STAG3: variants seen among roughly 807,000 people sequenced by gnomAD.
The protein encoded by STAG3 is STAG3 cohesin complex component, also known as cohesin subunit SA-3.
STAG3 carries 101 observed loss-of-function variants against 160.7 expected under a neutral mutation model. The observed-to-expected ratio is 0.63, with a 90% CI of 0.54 to 0.74. STAG3 has a LOEUF of 0.74. Ranked by LOEUF, STAG3 falls within the 30% of genes least tolerant of loss-of-function variation. The pLI is 0.00. For missense variants in STAG3, 1,188 were observed against 1,517.4 expected (o/e 0.78, Z 3.61); for synonymous variants, 519 against 585.0 (o/e 0.89, Z 1.63).
At chr7:100,205,423 T>A in intron 29 of STAG3, 39 bp downstream of exon 29, 1 of 1,554,452 alleles carries the variant, frequency 6.4e-7, no homozygotes, top group Non-Finnish European at 8.7e-7. Context: ...GCCCAGCAGG[T>A]GGTCGTTGGC....
chr7:100,201,594 T>C (rs1305298825), intron 21 of STAG3, 192 bp from the exon 22 acceptor site: 7 of 638,108 alleles, frequency 1.1e-5, no homozygotes, highest in Non-Finnish European at 1.9e-5. Context: ...GTAGAGTAAA[T>C]TAGGGAGCGG....
At position 100,208,000 on chromosome 7, in the gene STAG3, C is replaced by T. The variant is rs966812752; in HGVS notation, c.3238+2616C>T. Among the ~76,000 whole-genome samples the T allele has an allele frequency of 2.6e-5, 4 of 152,030 alleles. No homozygotes were observed. The highest frequency in any genetic ancestry group is 5.9e-5 in the Non-Finnish European group (4 of 68,022). ...GCATGATGGTGGGCGCCTGTAGTCC[C>T]AGCCACTCGGGAGGCTGAGGCAGGA... is the stretch of plus-strand genomic sequence containing the variant. On this transcript the variant is annotated intron_variant, in intron 29 of 33. Coordinates refer to ENST00000615138, the MANE Select transcript of STAG3 (RefSeq NM_001282717.2). The surrounding 1 kb of genome is among the most constrained non-coding windows in gnomAD (Gnocchi z 4.0).
Position 100,192,042 on chromosome 7 carries a change from A to G in STAG3, c.867+2446A>G, listed in dbSNP as rs73159753. On this transcript the variant is annotated intron_variant, in intron 8 of 33. Coordinates refer to ENST00000615138, the MANE Select transcript of STAG3 (RefSeq NM_001282717.2). ...TGTTCAAGGTCATGAAATTGCAGCA[A>G]TTCAGCCACATCTTCAGTCTCTACT... 5.7e-3 allele frequency among the ~76,000 whole-genome samples: 874 copies of G among 152,330 alleles called. 3 individuals are homozygous for G. The highest frequency in any genetic ancestry group is 8.5e-3 in the Non-Finnish European group (575 of 68,034).
Position 100,189,069 on chromosome 7 carries a change from C to A in STAG3, c.715+53C>A, listed in dbSNP as rs540297640. The A allele has an allele frequency of 1.9e-6, 3 of 1,585,818 alleles. No individual in the cohort carries two copies. In the South Asian group the frequency reaches 3.3e-5, roughly 18 times the overall value. On this transcript the variant is annotated intron_variant, in intron 7 of 33. Transcript: ENST00000615138. ...TCTCCTGGGGATTTATAGGACTTTC[C>A]TCTGTTCTCTGATTCAGGATCTTCT...
intron 5 of STAG3, 39 bp downstream of exon 5, chr7:100,186,335 T>C (rs779937520): frequency 6.6e-7 from 1 of 1,521,002 alleles, no homozygotes. Context: ...CCCAGCCTTT[T>C]GTTCCTATGT....
intron 25 of STAG3, among the ~76,000 whole-genome samples, chr7:100,203,185 CTT>C (rs34123265): frequency 3.7e-4 from 52 of 141,166 alleles, no homozygotes; most frequent in Middle Eastern, 3.6e-3. Flanking sequence ...CTTTTCTTTT[CTT>C]TTTTTTTTTT....
intron 33 of STAG3, 86 bp from the exon 34 acceptor site, chr7:100,213,921 G>A (rs1447979668): frequency 1.9e-6 from 3 of 1,613,206 alleles, no homozygotes; most frequent in Non-Finnish European, 2.5e-6. Context: ...CTGTCTCTGG[G>A]GCTTTGAGGG....
chr7:100,199,717 A>G (rs1362417164), intron 16 of STAG3, 73 bp downstream of exon 16: 1 of 1,226,018 alleles, frequency 8.2e-7, no homozygotes, highest in Non-Finnish European at 1.1e-6. Context: ...CTTATCCCCC[A>G]GGCTGGGGTT....
Position 100,198,894 on chromosome 7 carries a change from C to G in STAG3, c.1404C>G (p.Arg468=). Residue 468 remains arginine (R), a synonymous_variant, in exon 14 of 34, where the codon CGC becomes CGG. Coordinates refer to ENST00000615138, the MANE Select transcript of STAG3 (RefSeq NM_001282717.2). The part of the protein sequence containing the change: ...EIRMMGGREQ[R]QSPGAQRTFF... The stretch of plus-strand genomic sequence containing the variant: ...GAATGATGGGTGGAAGAGAGCAACG[C>G]CAGAGCCCAGGCGCCCAGAGGACTT... 2 of 1,612,098 alleles carry G rather than the reference C, an allele frequency of 1.2e-6. No individual in the cohort carries two copies. Among genetic ancestry groups the G allele is most frequent in the Non-Finnish European group, 1.7e-6 (2 of 1,179,876 alleles).
downstream of STAG3, chr7:100,218,528 TAAC>T: frequency 3.5e-6 from 1 of 285,006 alleles, no homozygotes; most frequent in Non-Finnish European, 6.9e-6. Flanking sequence ...TTACCTTTTT[TAAC>T]TTGCACTGTG....
intron 8 of STAG3, among the ~76,000 whole-genome samples, chr7:100,195,072 C>G (rs534703811): frequency 2.0e-5 from 3 of 152,088 alleles, no homozygotes; most frequent in Non-Finnish European, 4.4e-5. Flanking sequence ...CTGAATAGTC[C>G]GAATAACCAC....
intron 32 of STAG3, chr7:100,213,215 C>T (rs7778098): frequency 2.6e-6 from 2 of 761,004 alleles, no homozygotes; most frequent in Admixed American, 5.3e-5. Context: ...ACCCCTATGA[C>T]CCAATCACCT....
chr7:100,182,305 GCCGAGATTGCGCC>G (rs1315467679), intron 3 of STAG3, 113 bp downstream of exon 3: 1 of 722,734 alleles, frequency 1.4e-6, no homozygotes, highest in Admixed American at 2.3e-5. Flanking sequence ...CTTGCAGTGA[GCCGAGATTGCGCC>G]CCTGCACTCT....
chr7:100,188,682 T>C, intron 6 of STAG3, 130 bp from the exon 7 acceptor site: 2 of 1,142,382 alleles, frequency 1.8e-6, no homozygotes, highest in South Asian at 1.3e-5. Context: ...GCCTCTCAAA[T>C]TGGGGAGAAT....
intron 8 of STAG3, 131 bp from the exon 9 acceptor site, chr7:100,195,178 T>C: frequency 1.3e-6 from 1 of 779,564 alleles, no homozygotes; most frequent in Non-Finnish European, 2.3e-6. Context: ...AAAGAGAGCA[T>C]AGGATTACGG....
chr7:100,192,143 C>T (rs1272401377), intron 8 of STAG3, among the ~76,000 whole-genome samples: 3 of 152,186 alleles, frequency 2.0e-5, no homozygotes, highest in Non-Finnish European at 1.5e-5. Flanking sequence ...CAAAGTCATC[C>T]GTGAGGGTTA....
intron 1 of STAG3, among the ~76,000 whole-genome samples, chr7:100,179,926 G>C (rs1353379183): frequency 6.6e-6 from 1 of 152,160 alleles, no homozygotes; most frequent in South Asian, 2.1e-4. Flanking sequence ...GTAGAAATGG[G>C]GTTTCTCCAT....
intron 1 of STAG3, among the ~76,000 whole-genome samples, chr7:100,178,706 G>A (rs1799436093): frequency 1.3e-5 from 2 of 151,854 alleles, no homozygotes; most frequent in Non-Finnish European, 2.9e-5. Context: ...GATTATAGGC[G>A]GGAGCACTGT....
At chr7:100,204,803 C>T in intron 27 of STAG3, 28 bp downstream of exon 27, 10 of 1,611,382 alleles carry the variant, frequency 6.2e-6, no homozygotes, top group Non-Finnish European at 8.5e-6. Flanking sequence ...CAGGTTGTGT[C>T]CAGGGAGGGC....
Sources: gnomAD v4.1 joint callset for allele counts (sites outside exome capture counted in the v4.1 genomes callset) on GRCh38, gnomAD v4.1.1 for gene constraint, Gnocchi (gnomAD v3.1) non-coding constraint, MANE v1.5 for transcripts, NCBI Gene and HGNC (gene_info 2026-07-23, HGNC 2026-07-21) for gene names.